The following CACNA1C variants were observed in gnomAD, a reference collection of about 807,000 sequenced individuals.
CACNA1C encodes calcium voltage-gated channel subunit alpha1 C.
CACNA1C carries 30 observed loss-of-function variants against 229.0 expected under a neutral mutation model. The ratio of observed to expected loss-of-function variants is 0.13; its 90% confidence interval spans 0.10 to 0.18. The LOEUF (loss-of-function observed/expected upper bound fraction) is 0.18, where lower values mean the gene tolerates loss of function less well. Among genes scored for constraint, CACNA1C ranks in the 10% least tolerant of loss-of-function variants. The probability of loss-of-function intolerance (pLI) is 1.00; values close to 1 mark genes in which losing one functional copy is unlikely to be tolerated. For missense variants in CACNA1C, 1,658 were observed against 2,845.0 expected, an observed-to-expected ratio of 0.58 and a Z score of 9.49; for synonymous variants, 1,114 against 1,132.5, an observed-to-expected ratio of 0.98 and a Z score of 0.33.
rs191061646 is a variant in CACNA1C at position 2,416,000 on chromosome 12, C to A, written c.478-32976C>A. Among the ~76,000 whole-genome samples, 75 of 152,246 alleles carry A rather than the reference C, an allele frequency of 4.9e-4. 1 individual carries two copies. The highest frequency in any genetic ancestry group is 3.4e-3 in the Middle Eastern group (1 of 294). ...TTCCCTTTCTGTCCTCTCAGAGGAGCCCAGGTTTCAGGCTTTGCTGAGGTG... is the reference window on the plus strand; with the variant it reads ...TTCCCTTTCTGTCCTCTCAGAGGAGACCAGGTTTCAGGCTTTGCTGAGGTG... On this transcript the variant is annotated intron_variant, in intron 3 of 46. Coordinates refer to ENST00000399655, the MANE Select transcript of CACNA1C (RefSeq NM_000719.7).
intron 1 of CACNA1C, among the ~76,000 whole-genome samples, chr12:1,980,673 C>T (rs1489243389): frequency 3.5e-5 from 3 of 84,852 alleles, no homozygotes; most frequent in Admixed American, 3.3e-4. Context: ...TTTGGTAATA[C>T]TACCTTTAAC....
chr12:2,124,463 G>A (rs1051128202), intron 3 of CACNA1C, among the ~76,000 whole-genome samples: 4 of 152,186 alleles, frequency 2.6e-5, no homozygotes, highest in African/African-American at 9.7e-5. Flanking sequence ...TGGTTTTGAG[G>A]GGATGAGAAG....
chr12:2,048,030 A>T (rs1296424786), upstream of CACNA1C, among the ~76,000 whole-genome samples: 2 of 152,248 alleles, frequency 1.3e-5, no homozygotes, highest in Non-Finnish European at 2.9e-5. Context: ...GCCTCAGAGT[A>T]GCTGAAGGAG....
chr12:2,033,688 T>C (rs1204784377), intron 1 of CACNA1C, among the ~76,000 whole-genome samples: 4 of 152,204 alleles, frequency 2.6e-5, no homozygotes, highest in Admixed American at 1.3e-4. Context: ...CTCGCTCTCA[T>C]TTAAAATCAT....
chr12:2,280,195 TTTAACCTC>T, intron 3 of CACNA1C, among the ~76,000 whole-genome samples: 1 of 131,186 alleles, frequency 7.6e-6, no homozygotes, highest in African/African-American at 3.2e-5. Flanking sequence ...TGTGCTTCGG[TTTAACCTC>T]TTGAGACCTT....
At chr12:2,543,258 ATTATGACAT>A (rs2099875613) in intron 9 of CACNA1C, among the ~76,000 whole-genome samples, 1 of 152,192 alleles carries the variant, frequency 6.6e-6, no homozygotes, top group Admixed American at 6.5e-5. Context: ...AGGATGTGCT[ATTATGACAT>A]TGCCTGCAGA....
chr12:2,682,879 CCACA>C (rs71951718), intron 43 of CACNA1C, among the ~76,000 whole-genome samples: 8 of 34,136 alleles, frequency 2.3e-4, no homozygotes, highest in Non-Finnish European at 3.2e-4. Context: ...CACACACACA[CCACA>C]CACACACACA....
chr12:2,011,725 AC>A (rs2044474214), intron 1 of CACNA1C, among the ~76,000 whole-genome samples: 1 of 152,192 alleles, frequency 6.6e-6, no homozygotes, highest in Non-Finnish European at 1.5e-5. Flanking sequence ...AGACTTTTTA[AC>A]GTTAAATCAA....
Position 2,602,633 on chromosome 12 carries a change from TGTGTGTGTGTG to T in CACNA1C, c.2960+674_2960+684del, listed in dbSNP as rs1568706581. Among the ~76,000 whole-genome samples the T allele has an allele frequency of 0.019, 409 of 21,184 alleles. 3 individuals carry two copies. The highest frequency in any genetic ancestry group is 0.017 in the African/African-American group (145 of 8,438). 13.9% of individuals were successfully genotyped at this position (21,184 alleles called of 152,430 possible). Reference sequence around the variant, plus strand: ...TGTGACTGTGTATATTTGTGTCTTGTGTGTGTGTGTGTGTGTGTGTGTGTGTGTGTGTGTGT... The same window carrying T: ...TGTGACTGTGTATATTTGTGTCTTGTTGTGTGTGTGTGTGTGTGTGTGTGT... On this transcript the variant is annotated intron_variant, in intron 22 of 46. Coordinates refer to ENST00000399655, the MANE Select transcript of CACNA1C (RefSeq NM_000719.7). The surrounding 1 kb of genome is among the most constrained non-coding windows in gnomAD (Gnocchi z 4.4).
chr12:2,529,432 G>A (rs2099835658), intron 9 of CACNA1C, among the ~76,000 whole-genome samples: 1 of 152,220 alleles, frequency 6.6e-6, no homozygotes, highest in African/African-American at 2.4e-5. Flanking sequence ...TGAATGTGGG[G>A]ACTTTTGTAT....
intron 18 of CACNA1C, among the ~76,000 whole-genome samples, chr12:2,589,849 C>T (rs1466136908): frequency 6.6e-6 from 1 of 152,168 alleles, no homozygotes; most frequent in East Asian, 1.9e-4. Context: ...GTACATTTTG[C>T]AGGTAGGACC....
intron 3 of CACNA1C, chr12:2,288,980 C>A (rs114262892): frequency 6.6e-6 from 1 of 152,344 alleles, no homozygotes; most frequent in African/African-American, 2.4e-5. Context: ...GTCAGGCTGC[C>A]GGTCGGGTTA....
intron 8 of CACNA1C, among the ~76,000 whole-genome samples, chr12:2,510,130 T>G (rs1044346949): frequency 2.0e-5 from 3 of 152,208 alleles, no homozygotes; most frequent in Admixed American, 6.5e-5. Flanking sequence ...CAGTCCTGTC[T>G]CGTGACAAAT....
At chr12:2,528,804 G>A (rs547849464) in intron 9 of CACNA1C, among the ~76,000 whole-genome samples, 1 of 152,282 alleles carries the variant, frequency 6.6e-6, no homozygotes, top group East Asian at 1.9e-4. Flanking sequence ...GGTTATCTGC[G>A]CAAGTATAGT....
rs1489348290 is a variant in CACNA1C at position 2,689,056 on chromosome 12, A to G, written c.6117+277A>G. ...TATACTGCAGCTGCTCGACATGCAA[A>G]TGTGAGCCTGGCTGCCTTTATACAC... On this transcript the variant is annotated intron_variant, in intron 46 of 46. Coordinates refer to ENST00000399655, the MANE Select transcript of CACNA1C (RefSeq NM_000719.7). The surrounding 1 kb of genome is among the most constrained non-coding windows in gnomAD (Gnocchi z 4.2). Among the ~76,000 whole-genome samples, 1 of 152,146 alleles carries G rather than the reference A, an allele frequency of 6.6e-6. No homozygotes were observed. The highest frequency in any genetic ancestry group is 1.5e-5 in the Non-Finnish European group (1 of 68,018).
chr12:2,271,591 A>C (rs1033686294), intron 3 of CACNA1C, among the ~76,000 whole-genome samples: 1 of 152,196 alleles, frequency 6.6e-6, no homozygotes, highest in African/African-American at 2.4e-5. Context: ...AATTAGTATG[A>C]AGATTAAACA....
chr12:2,581,410 A>G (rs1210939240), intron 13 of CACNA1C, among the ~76,000 whole-genome samples, 180 bp from the exon 14 acceptor site: 1 of 152,120 alleles, frequency 6.6e-6, no homozygotes, highest in African/African-American at 2.4e-5. Flanking sequence ...TGAGACCTTG[A>G]ATTAACTCCC....
chr12:2,061,718 G>C (rs1234627547), intron 1 of CACNA1C, among the ~76,000 whole-genome samples: 1 of 152,220 alleles, frequency 6.6e-6, no homozygotes, highest in Non-Finnish European at 1.5e-5. Context: ...TTCATGGCCT[G>C]AAAATAGGGC....
rs215993 is a variant in CACNA1C at position 2,607,310 on chromosome 12, C to T, written c.3356+180C>T. 114,100 of 582,146 alleles carry T rather than the reference C, an allele frequency of 0.2. 12,271 individuals carry two copies. The highest frequency in any genetic ancestry group is 0.36 in the East Asian group (12,059 of 33,246). 36.1% of individuals were successfully genotyped at this position (582,146 alleles called of 1,614,324 possible). A position where few individuals can be genotyped will look rare whatever the true frequency, so the allele number is the denominator to read the frequency against. ...TACAGTCCACTGTCACTGCTGAAAC[C>T]GACTCTTCTTTCTCTAGAAGGTGTC... On this transcript the variant is annotated intron_variant, in intron 26 of 46. Transcript: ENST00000399655.
Sources: gnomAD v4.1 joint callset for allele counts (sites outside exome capture counted in the v4.1 genomes callset) on GRCh38, gnomAD v4.1.1 for gene constraint, Gnocchi (gnomAD v3.1) non-coding constraint, MANE v1.5 for transcripts, NCBI Gene and HGNC (gene_info 2026-07-23, HGNC 2026-07-21) for gene names.